Variants in PRH1 observed in about 807,000 individuals in gnomAD.
PRH1 encodes the protein salivary acidic proline-rich phosphoprotein 1/2.
PRH1 carries 7 observed loss-of-function variants against 7.9 expected under a neutral mutation model. The observed-to-expected ratio is 0.89, with a 90% CI of 0.50 to 1.67. The LOEUF (loss-of-function observed/expected upper bound fraction) is 1.67, where lower values mean the gene tolerates loss of function less well. Ranked by LOEUF, PRH1 falls within the 40% of genes most tolerant of loss-of-function variation. PRH1 has a pLI of 0.00. For synonymous variants in PRH1, 45 were observed against 80.8 expected, an observed-to-expected ratio of 0.56 and a Z score of 2.38; for missense variants, 109 against 223.6, an observed-to-expected ratio of 0.49 and a Z score of 3.27.
chr12:10,957,900 C>T (rs991042913), intron 2 of PRH1, among the ~76,000 whole-genome samples: 1 of 151,752 alleles, frequency 6.6e-6, no homozygotes, highest in African/African-American at 2.4e-5. Context: ...TTACTAAAAC[C>T]CCCAAAAAAC....
chr12:10,995,868 TA>T (rs1940200524), intron 1 of PRH1, among the ~76,000 whole-genome samples: 1 of 152,130 alleles, frequency 6.6e-6, no homozygotes, highest in African/African-American at 2.4e-5. Flanking sequence ...ATCCTTTTTA[TA>T]GAAATGATTT....
chr12:10,960,045 A>G (rs924818619), intron 2 of PRH1, among the ~76,000 whole-genome samples: 4 of 152,304 alleles, frequency 2.6e-5, no homozygotes, highest in Middle Eastern at 3.4e-3. Flanking sequence ...GGCAACACGC[A>G]CTCACTGGTG....
chr12:11,051,857 G>C (rs1318423414), upstream of PRH1, among the ~76,000 whole-genome samples: 2 of 152,008 alleles, frequency 1.3e-5, no homozygotes, highest in African/African-American at 4.8e-5. Flanking sequence ...TTCATTTTAT[G>C]ATTTTATTGT....
intron 2 of PRH1, among the ~76,000 whole-genome samples, chr12:10,956,612 GAGA>G (rs1323547979): frequency 6.6e-6 from 1 of 151,922 alleles, no homozygotes; most frequent in East Asian, 1.9e-4. Flanking sequence ...CCCAATAGAA[GAGA>G]AGAAGTCAAA....
intron 1 of PRH1, among the ~76,000 whole-genome samples, chr12:11,103,190 G>GAT (rs929316921): frequency 1.3e-5 from 2 of 151,786 alleles, no homozygotes; most frequent in Non-Finnish European, 1.5e-5. Flanking sequence ...CCCATTACTG[G>GAT]ATATATAAAC....
At chr12:11,126,785 T>C (rs376210399) in intron 1 of PRH1, among the ~76,000 whole-genome samples, 29 of 148,268 alleles carry the variant, frequency 2.0e-4, no homozygotes, top group Middle Eastern at 3.6e-3. Flanking sequence ...TAGTTAACAG[T>C]ATACTGTAAG....
At chr12:10,885,621 C>T (rs183689042), upstream of PRH1, among the ~76,000 whole-genome samples, 656 of 152,350 alleles carry the variant, frequency 4.3e-3, 2 homozygotes, top group Non-Finnish European at 6.9e-3. Flanking sequence ...GGTTTTGTCG[C>T]TCTCTCCTCA....
chr12:11,053,464 AAT>A (rs1300656631), intron 1 of PRH1, among the ~76,000 whole-genome samples: 26 of 152,288 alleles, frequency 1.7e-4, no homozygotes, highest in Admixed American at 1.6e-3. Context: ...GGATTAGTTT[AAT>A]ATCATCTATA....
intron 1 of PRH1, among the ~76,000 whole-genome samples, chr12:10,983,761 GTCTC>G (rs1415444704): frequency 3.9e-5 from 6 of 152,194 alleles, no homozygotes; most frequent in African/African-American, 9.7e-5. Context: ...CCACCATGCT[GTCTC>G]TCTCATCTCA....
At chr12:10,970,206 G>C (rs974008321) in intron 2 of PRH1, among the ~76,000 whole-genome samples, 1 of 152,004 alleles carries the variant, frequency 6.6e-6, no homozygotes, top group Non-Finnish European at 1.5e-5. Context: ...TTAACTTTCT[G>C]GTTTTTTCTC....
In PRH1 at chr12:10,901,466, G is replaced by GC. The variant is rs995433361; in HGVS notation, c.-58-17192dup. Among the ~76,000 whole-genome samples the GC allele has an allele frequency of 7.9e-5, 12 of 152,150 alleles. No individual in the cohort carries two copies. The South Asian group carries it at 2.5e-3, about 31-fold the overall frequency. Reference sequence around the variant, plus strand: ...TCCCTCAGTGTTGGTGCTTGTGTCTGCCATTGGAAGACCTATAGGTGGACC... The same window carrying GC: ...TCCCTCAGTGTTGGTGCTTGTGTCTGCCCATTGGAAGACCTATAGGTGGACC... On this transcript the variant is annotated intron_variant, in intron 2 of 3. Transcript: ENST00000539853.
intron 2 of PRH1, chr12:10,965,064 A>G: frequency 1.8e-6 from 2 of 1,102,422 alleles, no homozygotes; most frequent in African/African-American, 1.6e-5. Flanking sequence ...GTAGCAACCC[A>G]GATGCTGAAA....
intron 1 of PRH1, among the ~76,000 whole-genome samples, chr12:11,068,377 G>T (rs1319114253): frequency 6.6e-6 from 1 of 152,102 alleles, no homozygotes; most frequent in Non-Finnish European, 1.5e-5. Flanking sequence ...TCTCACATTT[G>T]TGAGTATTAT....
intron 1 of PRH1, among the ~76,000 whole-genome samples, chr12:11,135,451 C>CT (rs917704624): frequency 1.3e-5 from 2 of 152,056 alleles, no homozygotes; most frequent in African/African-American, 2.4e-5. Flanking sequence ...TGGCCAAACT[C>CT]TAACGACCTC....
intron 2 of PRH1, chr12:10,938,967 T>C: frequency 1.2e-6 from 2 of 1,613,412 alleles, no homozygotes; most frequent in South Asian, 1.1e-5. Context: ...ATTCTGAACA[T>C]TTTTTCAGTG....
At chr12:10,907,480 C>G (rs1949820804) in intron 2 of PRH1, among the ~76,000 whole-genome samples, 1 of 151,484 alleles carries the variant, frequency 6.6e-6, no homozygotes, top group South Asian at 2.1e-4. Context: ...GTTAAAGAAG[C>G]CTCACATATA....
At chr12:10,938,435 T>G (rs1383420541) in intron 2 of PRH1, 1 of 1,613,884 alleles carries the variant, frequency 6.2e-7, no homozygotes, top group African/African-American at 1.3e-5. Flanking sequence ...TAGATTTTCC[T>G]CCAACCTTTC....
chr12:11,091,141 T>TATATATATATATATA (rs1197381843), intron 1 of PRH1: 1 of 138,334 alleles, frequency 7.2e-6, no homozygotes, highest in East Asian at 1.0e-4. Context: ...TATATATATA[T>TATATATATATATATA]ATTTTCTAGA....
chr12:11,062,069 T>A (rs765805745), intron 1 of PRH1: 1 of 1,613,706 alleles, frequency 6.2e-7, no homozygotes, highest in South Asian at 1.1e-5. Context: ...TCTATACTGT[T>A]AAAAGCTGGA....
Sources: allele counts gnomAD v4.1 joint callset (sites outside exome capture counted in the v4.1 genomes callset), GRCh38; gene constraint gnomAD v4.1.1; transcripts MANE v1.5; gene names NCBI Gene and HGNC (gene_info 2026-07-23, HGNC 2026-07-21).